The following CACNB2 variants were observed in gnomAD, a reference collection of about 807,000 sequenced individuals.
The protein encoded by CACNB2 is voltage-dependent L-type calcium channel subunit beta-2.
CACNB2 carries 42 observed loss-of-function variants against 73.3 expected under a neutral mutation model. The ratio of observed to expected loss-of-function variants is 0.57; its 90% confidence interval spans 0.45 to 0.74. The LOEUF (loss-of-function observed/expected upper bound fraction) is 0.74. Among genes scored for constraint, CACNB2 ranks in the 30% least tolerant of loss-of-function variants. CACNB2 has a pLI of 0.00. For synonymous variants in CACNB2, 348 were observed against 310.3 expected, an observed-to-expected ratio of 1.12 and a Z score of -1.28; for missense variants, 940 against 853.0, an observed-to-expected ratio of 1.10 and a Z score of -1.27.
At chr10:18,300,907 A>C (rs917431550) in intron 2 of CACNB2, among the ~76,000 whole-genome samples, 1 of 152,224 alleles carries the variant, frequency 6.6e-6, no homozygotes, top group Admixed American at 6.5e-5. Context: ...ACTTCTGGGA[A>C]AAAAAGTAAC....
At chr10:18,177,174 T>C (rs968642293) in intron 2 of CACNB2, among the ~76,000 whole-genome samples, 5 of 152,054 alleles carry the variant, frequency 3.3e-5, no homozygotes, top group Admixed American at 3.3e-4. Context: ...CATATACATG[T>C]AGTAAACCAA....
At chr10:18,366,189 A>G (rs7911542) in intron 2 of CACNB2, among the ~76,000 whole-genome samples, 46,848 of 152,012 alleles carry the variant, frequency 0.31, 7,735 homozygotes, top group East Asian at 0.71. Context: ...ATTCTCGCTG[A>G]GGGCGGTGGC....
chr10:18,335,900 T>C (rs1010057884), intron 2 of CACNB2, among the ~76,000 whole-genome samples: 1 of 151,630 alleles, frequency 6.6e-6, no homozygotes, highest in African/African-American at 2.4e-5. Context: ...ATGTTCCATT[T>C]AGAATTTCCA....
At chr10:18,431,479 G>A (rs543328294) in intron 3 of CACNB2, among the ~76,000 whole-genome samples, 36 of 152,180 alleles carry the variant, frequency 2.4e-4, no homozygotes, top group Non-Finnish European at 4.6e-4. Flanking sequence ...AAACATACTC[G>A]ATTTATACCT....
chr10:18,496,014 C>T (rs544588731), intron 3 of CACNB2, among the ~76,000 whole-genome samples: 12 of 151,666 alleles, frequency 7.9e-5, no homozygotes, highest in Admixed American at 6.6e-4. Context: ...GGTGAAACTC[C>T]ATCTCTACTA....
chr10:18,474,578 A>G (rs553135315), intron 3 of CACNB2, among the ~76,000 whole-genome samples: 100 of 152,240 alleles, frequency 6.6e-4, no homozygotes, highest in African/African-American at 2.3e-3. Flanking sequence ...TCTCCTTAGT[A>G]ACAGCGCACG....
Position 18,220,222 on chromosome 10 carries a change from TATATATATATAGAGAG to T in CACNB2, c.213+69249_213+69264del, listed in dbSNP as rs1353918055. ...GTGTGTATATATATATATATATATATATATATATATAGAGAGAGAGAGAGAGAGAGAGAGAGAGAGA... is the reference window on the plus strand; with the variant it reads ...GTGTGTATATATATATATATATATATAGAGAGAGAGAGAGAGAGAGAGAGA... On this transcript the variant is annotated intron_variant, in intron 2 of 13. Transcript: ENST00000324631. 1.0e-4 allele frequency among the ~76,000 whole-genome samples: 5 copies of T among 48,262 alleles called. 1 individual carries two copies. Among genetic ancestry groups the T allele is most frequent in the African/African-American group, 3.7e-4 (2 of 5,342 alleles). The allele number at this position is 48,262 out of a possible 152,430, so 31.7% of individuals were successfully genotyped here.
At chr10:18,492,575 C>T (rs543477431) in intron 3 of CACNB2, among the ~76,000 whole-genome samples, 55 of 138,142 alleles carry the variant, frequency 4.0e-4, no homozygotes, top group African/African-American at 1.4e-3. Context: ...GCGCCAAGAT[C>T]GCACCACTTC....
At chr10:18,227,943 A>G (rs998992571) in intron 2 of CACNB2, among the ~76,000 whole-genome samples, 4 of 152,162 alleles carry the variant, frequency 2.6e-5, no homozygotes, top group Non-Finnish European at 4.4e-5. Context: ...TTGATGATTG[A>G]GAGAGTGAGA....
Position 18,351,837 on chromosome 10 carries a change from C to CT in CACNB2, c.214-50080dup, listed in dbSNP as rs1009228167. Reference sequence around the variant, plus strand: ...TTTAAAGTGTGATTTCTATTAGAGGCTTTTTTTCCTGATGAATTCATTGAT... The same window carrying CT: ...TTTAAAGTGTGATTTCTATTAGAGGCTTTTTTTTCCTGATGAATTCATTGAT... On this transcript the variant is annotated intron_variant, in intron 2 of 13. Coordinates refer to ENST00000324631, the MANE Select transcript of CACNB2 (RefSeq NM_201596.3). 2.0e-5 allele frequency among the ~76,000 whole-genome samples: 3 copies of CT among 152,120 alleles called. No homozygotes were observed. In the South Asian group the frequency reaches 6.2e-4, roughly 32 times the overall value.
chr10:18,381,597 A>G (rs941378554), intron 2 of CACNB2, among the ~76,000 whole-genome samples: 7 of 151,006 alleles, frequency 4.6e-5, no homozygotes, highest in Admixed American at 2.7e-4. Flanking sequence ...CTGAGGCAGG[A>G]GAATTGCTTG....
At position 18,514,296 on chromosome 10, in the gene CACNB2, G is replaced by A. The variant is rs1291633086; in HGVS notation, c.731G>A (p.Arg244His). ...GAAAATGATATTCCAGCAAACCACCGCTCCCCTAAACCCAGTGCAAACAGT... is the reference window on the plus strand; with the variant it reads ...GAAAATGATATTCCAGCAAACCACCACTCCCCTAAACCCAGTGCAAACAGT... ...AEENDIPANH[R>H]SPKPSANSVT... Residue 244 changes from arginine to histidine, a missense_variant, in exon 7 of 14, where the codon CGC (arginine) becomes CAC (histidine). By Grantham distance (29) the Arg-to-His change is conservative. Transcript: ENST00000324631. 11 of 1,613,940 alleles carry A rather than the reference G, an allele frequency of 6.8e-6. No individual in the cohort carries two copies. Among genetic ancestry groups the A allele is most frequent in the Admixed American group, 3.3e-5 (2 of 60,002 alleles).
At chr10:18,479,894 A>G (rs1246512488) in intron 3 of CACNB2, among the ~76,000 whole-genome samples, 2 of 152,148 alleles carry the variant, frequency 1.3e-5, no homozygotes, top group African/African-American at 4.8e-5. Flanking sequence ...AATACAGTAT[A>G]TGAGGTACAC....
chr10:18,459,947 G>A (rs1232605492), intron 3 of CACNB2, among the ~76,000 whole-genome samples: 2 of 152,124 alleles, frequency 1.3e-5, no homozygotes, highest in Non-Finnish European at 2.9e-5. Context: ...GCAGTGAGCC[G>A]AGATCGCACC....
intron 3 of CACNB2, among the ~76,000 whole-genome samples, chr10:18,405,669 T>C (rs1016165981): frequency 2.0e-5 from 3 of 152,094 alleles, no homozygotes; most frequent in African/African-American, 7.2e-5. Flanking sequence ...AGTGATAAGA[T>C]AGACTCAGCC....
intron 3 of CACNB2, among the ~76,000 whole-genome samples, chr10:18,418,944 C>G (rs2045162649): frequency 6.6e-6 from 1 of 152,226 alleles, no homozygotes; most frequent in Non-Finnish European, 1.5e-5. Flanking sequence ...CTTAGAGGAA[C>G]TGTAATCATC....
At chr10:18,356,421 ATTG>A (rs1284368096) in intron 2 of CACNB2, among the ~76,000 whole-genome samples, 2 of 151,680 alleles carry the variant, frequency 1.3e-5, no homozygotes, top group South Asian at 4.2e-4. Context: ...GATTATTATT[ATTG>A]TTGTTGTTAT....
Position 18,398,618 on chromosome 10 carries a change from C to T in CACNB2, c.214-3306C>T, listed in dbSNP as rs180981401. 6.6e-5 allele frequency among the ~76,000 whole-genome samples: 10 copies of T among 151,702 alleles called. No homozygotes were observed. In the East Asian group the frequency reaches 1.9e-3, roughly 30 times the overall value. On this transcript the variant is annotated intron_variant, in intron 2 of 13. Transcript: ENST00000324631. ...CCCAGGAGGTCAAGGCTGCAGTAAG[C>T]CATGATTGCATCACTGCAGTCTATC...
intron 2 of CACNB2, among the ~76,000 whole-genome samples, chr10:18,389,284 G>A (rs1377777168): frequency 6.6e-6 from 1 of 152,140 alleles, no homozygotes; most frequent in Non-Finnish European, 1.5e-5. Context: ...CTGCAGGTGT[G>A]TGCCACCATG....
Sources: allele counts gnomAD v4.1 joint callset (sites outside exome capture counted in the v4.1 genomes callset), GRCh38; gene constraint gnomAD v4.1.1; transcripts MANE v1.5; gene names NCBI Gene and HGNC (gene_info 2026-07-23, HGNC 2026-07-21).